SNX24: variants seen among roughly 807,000 people sequenced by gnomAD.
The protein encoded by SNX24 is sorting nexin 24.
A neutral mutation model predicts 28.7 loss-of-function variants in SNX24; 22 were observed. The ratio of observed to expected loss-of-function variants is 0.77; its 90% CI spans 0.55 to 1.10. The LOEUF (loss-of-function observed/expected upper bound fraction) is 1.10. Among genes scored for constraint, SNX24 ranks in the 50% least tolerant of loss-of-function variants. The probability of loss-of-function intolerance (pLI) is 0.00; values close to 1 mark genes in which losing one functional copy is unlikely to be tolerated. For missense variants in SNX24, 221 were observed against 201.1 expected (o/e 1.10, Z -0.60); for synonymous variants, 69 against 71.5 (o/e 0.96, Z 0.18).
At chr5:122,902,413 C>G (rs1026210953) in intron 1 of SNX24, among the ~76,000 whole-genome samples, 1 of 152,152 alleles carries the variant, frequency 6.6e-6, no homozygotes, top group Non-Finnish European at 1.5e-5. Flanking sequence ...GGAAGAGGAC[C>G]AGGGAAGATA....
intron 1 of SNX24, among the ~76,000 whole-genome samples, chr5:122,922,339 GC>G (rs1480415694): frequency 6.6e-6 from 1 of 151,976 alleles, no homozygotes; most frequent in Non-Finnish European, 1.5e-5. Context: ...TGCAACTTCT[GC>G]CCCCCAGATT....
chr5:122,926,796 G>A (rs1385425181), intron 1 of SNX24, among the ~76,000 whole-genome samples: 1 of 152,192 alleles, frequency 6.6e-6, no homozygotes, highest in African/African-American at 2.4e-5. Context: ...TGGACCGTGT[G>A]CTCATCAGGC....
At chr5:122,846,113 T>G (rs180853471) in intron 1 of SNX24, among the ~76,000 whole-genome samples, 109 of 152,242 alleles carry the variant, frequency 7.2e-4, no homozygotes, top group African/African-American at 2.6e-3. Context: ...AAAACCTGTT[T>G]TTTTTTTTTA....
chr5:123,016,502 C>T (rs1762681114), intron 5 of SNX24, among the ~76,000 whole-genome samples: 1 of 152,160 alleles, frequency 6.6e-6, no homozygotes, highest in South Asian at 2.1e-4. Flanking sequence ...TATATAATGG[C>T]TCACACTTTA....
intron 1 of SNX24, among the ~76,000 whole-genome samples, chr5:122,905,546 C>T (rs571406249): frequency 1.3e-5 from 2 of 152,238 alleles, no homozygotes; most frequent in South Asian, 2.1e-4. Context: ...TGGAGTATTT[C>T]GGATTTCAGA....
intron 1 of SNX24, among the ~76,000 whole-genome samples, chr5:122,895,117 C>T (rs528013154): frequency 2.1e-4 from 31 of 150,430 alleles, no homozygotes; most frequent in African/African-American, 7.6e-4. Flanking sequence ...TTTTAAAAAG[C>T]TTCATATTTA....
At chr5:122,891,208 A>G (rs1172365657) in intron 1 of SNX24, 1 of 1,308,036 alleles carries the variant, frequency 7.6e-7, no homozygotes, top group Non-Finnish European at 9.9e-7. Flanking sequence ...TCTGGTTGAA[A>G]TGGTTTAGGA....
chr5:122,977,894 C>T (rs761327032), intron 3 of SNX24, among the ~76,000 whole-genome samples: 2 of 152,090 alleles, frequency 1.3e-5, no homozygotes, highest in Non-Finnish European at 2.9e-5. Context: ...AAAATTTAGC[C>T]TGTTTCATAA....
chr5:122,942,808 G>A (rs558737039), intron 2 of SNX24, among the ~76,000 whole-genome samples: 63 of 152,230 alleles, frequency 4.1e-4, no homozygotes, highest in African/African-American at 1.3e-3. Context: ...ATATTGTCTC[G>A]GGTTTGTCTC....
chr5:122,847,572 C>T (rs904000731), intron 1 of SNX24, among the ~76,000 whole-genome samples: 1 of 147,736 alleles, frequency 6.8e-6, no homozygotes, highest in Non-Finnish European at 1.5e-5. Flanking sequence ...CAGCTCACTG[C>T]AACCTCTGCC....
intron 1 of SNX24, among the ~76,000 whole-genome samples, chr5:122,915,542 C>T (rs942091624): frequency 3.3e-5 from 5 of 152,126 alleles, no homozygotes; most frequent in East Asian, 3.8e-4. Flanking sequence ...GGGAGGATTG[C>T]TTGAGCTCAG....
chr5:122,978,136 C>G (rs984501312), intron 3 of SNX24, among the ~76,000 whole-genome samples: 2 of 152,018 alleles, frequency 1.3e-5, no homozygotes, highest in African/African-American at 4.8e-5. Flanking sequence ...TAACAATGCA[C>G]TTTGGTATAC....
Position 122,981,134 on chromosome 5 carries a change from CAT to C in SNX24, c.250-18775_250-18774del, listed in dbSNP as rs1055090207. On this transcript the variant is annotated intron_variant, in intron 3 of 6. Coordinates refer to ENST00000261369, the MANE Select transcript of SNX24 (RefSeq NM_014035.4). ...AGAACTTGTCTTAATTCATGCAAAACATATGTTATTTGTGCCAATTTAGTATG... is the reference window on the plus strand; with the variant it reads ...AGAACTTGTCTTAATTCATGCAAAACATGTTATTTGTGCCAATTTAGTATG... Among the ~76,000 whole-genome samples the C allele has an allele frequency of 4.3e-4, 66 of 152,230 alleles. 1 individual carries two copies. The highest frequency in any genetic ancestry group is 7.7e-4 in the East Asian group (4 of 5,182).
At chr5:122,971,880 TACCTG>T (rs56072317) in intron 3 of SNX24, among the ~76,000 whole-genome samples, 116,302 of 151,420 alleles carry the variant, frequency 0.77, 45,529 homozygotes, top group East Asian at 0.99. Context: ...CATGGTTTTT[TACCTG>T]ACCTGGTGGA....
rs926679289 is a variant in SNX24 at position 122,854,304 on chromosome 5, C to T, written c.60+8611C>T. On this transcript the variant is annotated intron_variant, in intron 1 of 6. Coordinates refer to ENST00000261369, the MANE Select transcript of SNX24 (RefSeq NM_014035.4). The stretch of plus-strand genomic sequence containing the variant: ...CGGGTGGATCACGAGGTCAGGAGAT[C>T]GAGACCATCCTGGCTAACACAATGA... Among the ~76,000 whole-genome samples the T allele has an allele frequency of 3.3e-5, 5 of 152,018 alleles. No individual in the cohort carries two copies. The East Asian group carries it at 5.8e-4, about 18-fold the overall frequency.
chr5:122,898,707 A>G (rs970666454), intron 1 of SNX24, among the ~76,000 whole-genome samples: 1 of 152,248 alleles, frequency 6.6e-6, no homozygotes, highest in East Asian at 1.9e-4. Flanking sequence ...TTAAATCTTG[A>G]TGATGGGTAG....
intron 5 of SNX24, among the ~76,000 whole-genome samples, chr5:123,014,528 G>A (rs896809065): frequency 1.4e-4 from 21 of 151,918 alleles, no homozygotes; most frequent in African/African-American, 4.8e-4. Flanking sequence ...TGCAATAGCT[G>A]CTAATATTTC....
intron 1 of SNX24, among the ~76,000 whole-genome samples, chr5:122,867,633 T>C (rs1427540311): frequency 1.3e-5 from 2 of 152,186 alleles, no homozygotes; most frequent in Non-Finnish European, 2.9e-5. Flanking sequence ...TATGAGCCCA[T>C]TTGTGTGATG....
chr5:122,884,813 G>T (rs533091725), intron 1 of SNX24, among the ~76,000 whole-genome samples: 1 of 152,238 alleles, frequency 6.6e-6, no homozygotes, highest in South Asian at 2.1e-4. Context: ...CTGTTGAGAA[G>T]CCCCTGTTCT....
Sources: allele counts gnomAD v4.1 joint callset (sites outside exome capture counted in the v4.1 genomes callset), GRCh38; gene constraint gnomAD v4.1.1; transcripts MANE v1.5; gene names NCBI Gene and HGNC (gene_info 2026-07-23, HGNC 2026-07-21).